TET2: variants seen among roughly 807,000 people sequenced by gnomAD.
TET2 encodes tet methylcytosine dioxygenase 2, also known as methylcytosine dioxygenase TET2.
Under a neutral mutation model 142.9 loss-of-function variants are expected in TET2, and 299 were observed. The observed-to-expected ratio is 2.09, with a 90% CI of 1.90 to 2.30. The LOEUF (loss-of-function observed/expected upper bound fraction) is 2.30. Among genes scored for constraint, TET2 ranks in the 30% most tolerant of loss-of-function variants. TET2 has a pLI of 0.00. For synonymous variants in TET2, 819 were observed against 849.0 expected, an observed-to-expected ratio of 0.96 and a Z score of 0.61; for missense variants, 2,418 against 2,378.0, an observed-to-expected ratio of 1.02 and a Z score of -0.35.
At chr4:105,237,432 T>C (rs779035569) in intron 3 of TET2, 81 bp downstream of exon 3, 2 of 1,613,558 alleles carry the variant, frequency 1.2e-6, no homozygotes, top group Non-Finnish European at 1.7e-6. Context: ...ATTTTCCTTC[T>C]TTTTTTAAAT....
At chr4:105,271,057 T>C (rs548127186) in intron 9 of TET2, among the ~76,000 whole-genome samples, 8 of 152,284 alleles carry the variant, frequency 5.3e-5, no homozygotes, top group African/African-American at 1.9e-4. Flanking sequence ...GGTAAATATT[T>C]TAGGGACTGC....
intron 2 of TET2, among the ~76,000 whole-genome samples, chr4:105,217,781 A>T (rs1727583086): frequency 1.3e-5 from 2 of 152,104 alleles, no homozygotes; most frequent in African/African-American, 4.8e-5. Context: ...ATCACATATG[A>T]TAAGAATCTG....
chr4:105,264,958 A>G (rs1730614720), intron 8 of TET2, among the ~76,000 whole-genome samples: 1 of 152,186 alleles, frequency 6.6e-6, no homozygotes, highest in Non-Finnish European at 1.5e-5. Flanking sequence ...TCTCCACAGC[A>G]TCTCTTCTGT....
chr4:105,176,176 C>G (rs1724781867), intron 1 of TET2, among the ~76,000 whole-genome samples: 1 of 152,040 alleles, frequency 6.6e-6, no homozygotes, highest in Admixed American at 6.6e-5. Context: ...CACAAAAAAC[C>G]TACAGTTTAC....
At position 105,209,278 on chromosome 4, in the gene TET2, T is replaced by A. The variant is rs1727023169; in HGVS notation, c.-47+18773T>A. ...ACATCTGATTAACAGTATTTGAAGTTTGAATTTGTTCTAAGATGACTCAAG... is the reference window on the plus strand; with the variant it reads ...ACATCTGATTAACAGTATTTGAAGTATGAATTTGTTCTAAGATGACTCAAG... On this transcript the variant is annotated intron_variant, in intron 2 of 10. Coordinates refer to ENST00000380013, the MANE Select transcript of TET2 (RefSeq NM_001127208.3). Among the ~76,000 whole-genome samples the A allele has an allele frequency of 2.0e-5, 3 of 151,516 alleles. No homozygotes were observed. In the South Asian group the frequency reaches 6.3e-4, roughly 32 times the overall value.
intron 1 of TET2, among the ~76,000 whole-genome samples, chr4:105,166,191 A>G (rs1164018347): frequency 1.3e-5 from 2 of 152,170 alleles, no homozygotes; most frequent in Non-Finnish European, 2.9e-5. Flanking sequence ...AGAAAAGGAA[A>G]AAGTGATCCT....
chr4:105,187,102 C>T (rs532723414), intron 1 of TET2, among the ~76,000 whole-genome samples: 3 of 152,154 alleles, frequency 2.0e-5, no homozygotes, highest in Non-Finnish European at 4.4e-5. Context: ...CTTGTGCCAG[C>T]TCAGAGAGGG....
chr4:105,231,158 G>A (rs1193958648), intron 2 of TET2, among the ~76,000 whole-genome samples: 7 of 151,814 alleles, frequency 4.6e-5, no homozygotes, highest in Non-Finnish European at 1.0e-4. Flanking sequence ...CTTTTAATTT[G>A]GCTACTAGGC....
chr4:105,261,930 A>ATGAT lies in TET2; in HGVS notation c.4044+84_4044+87dup. 4.9e-6 allele frequency: 4 copies of ATGAT among 820,848 alleles called. No individual in the cohort carries two copies. The South Asian group carries it at 6.9e-5, about 14-fold the overall frequency. The allele number at this position is 820,848 out of a possible 1,614,324, so 50.8% of individuals were successfully genotyped here. ...TATGTCCAAAAATATTTTTGAAACA[A>ATGAT]TGATTTTTAAATATTATTCTAACTT... On this transcript the variant is annotated intron_variant, in intron 8 of 10. Coordinates refer to ENST00000380013, the MANE Select transcript of TET2 (RefSeq NM_001127208.3).
At chr4:105,238,465 T>C (rs1249865292) in intron 3 of TET2, 6 of 249,448 alleles carry the variant, frequency 2.4e-5, no homozygotes, top group Non-Finnish European at 4.2e-5. Flanking sequence ...TGCTGCTGCT[T>C]TATCAACTAA....
At position 105,183,425 on chromosome 4, in the gene TET2, AT is replaced by A. The variant is rs536266853; in HGVS notation, c.-192-6932del. On this transcript the variant is annotated intron_variant, in intron 1 of 10. Transcript: ENST00000380013. ...TTTGCTTGTGTTTTTATACCTATTC[AT>A]TTCAATAACTCTTTTTCCTATATAT... Among the ~76,000 whole-genome samples the A allele has an allele frequency of 1.4e-3, 212 of 152,170 alleles. 1 individual carries two copies. Among genetic ancestry groups the A allele is most frequent in the African/African-American group, 4.7e-3 (193 of 41,504 alleles).
chr4:105,210,246 CT>C (rs1727079473), intron 2 of TET2, among the ~76,000 whole-genome samples: 1 of 152,104 alleles, frequency 6.6e-6, no homozygotes, highest in Non-Finnish European at 1.5e-5. Flanking sequence ...GATTGAATTG[CT>C]ACTTGAGTTC....
At chr4:105,194,953 A>T (rs927882264) in intron 2 of TET2, among the ~76,000 whole-genome samples, 1 of 152,180 alleles carries the variant, frequency 6.6e-6, no homozygotes, top group African/African-American at 2.4e-5. Flanking sequence ...TGGTATCAGT[A>T]GTCTCTGTGT....
chr4:105,175,473 G>A (rs758040825), intron 1 of TET2, among the ~76,000 whole-genome samples: 2 of 151,944 alleles, frequency 1.3e-5, no homozygotes, highest in East Asian at 1.9e-4. Flanking sequence ...GAACATAGCC[G>A]AGGAAAAAAT....
intron 3 of TET2, 28 bp downstream of exon 3, chr4:105,237,379 A>C: frequency 6.2e-7 from 1 of 1,614,102 alleles, no homozygotes; most frequent in Non-Finnish European, 8.5e-7. Context: ...ACTGAGACAC[A>C]TGGCGTTTAT....
chr4:105,235,645 A>G lies in TET2; in HGVS notation c.1703A>G (p.Lys568Arg), dbSNP rs2110229229. 1 of 1,614,192 alleles carries G rather than the reference A, an allele frequency of 6.2e-7. No homozygotes were observed. The highest frequency in any genetic ancestry group is 8.5e-7 in the Non-Finnish European group (1 of 1,180,018). Residue 568 changes from lysine (K) to arginine (R), a missense_variant, in exon 3 of 11, where the codon AAG (lysine) becomes AGG (arginine). Transcript: ENST00000380013. ...HYLKPGWIEL[K>R]APRFHQAESH... is the part of the protein sequence containing the mutation. ...CTGAAACCAGGATGGATTGAATTGA[A>G]GGCCCCTCGTTTTCACCAAGCGGAA...
intron 2 of TET2, among the ~76,000 whole-genome samples, chr4:105,196,007 A>G (rs1030177711): frequency 3.3e-5 from 5 of 152,096 alleles, no homozygotes; most frequent in East Asian, 3.9e-4. Flanking sequence ...CTTGCTTCCT[A>G]TTGCATTGAG....
At position 105,236,743 on chromosome 4, in the gene TET2, G is replaced by A. The variant is rs1406291692; in HGVS notation, c.2801G>A (p.Gly934Glu). ...AATGTTTTTCCTGTGCCTGACCAGG[G>A]AGGAAGTCACACTCAGACCCCTCCC... ...HANVFPVPDQ[G>E]GSHTQTPPQK... Residue 934 changes from glycine (G) to glutamate (E), a missense_variant, in exon 3 of 11, where the codon GGA becomes GAA. Physicochemically the swap from Gly to Glu is moderately conservative, Grantham distance 98. Coordinates refer to ENST00000380013, the MANE Select transcript of TET2 (RefSeq NM_001127208.3). The A allele has an allele frequency of 1.2e-6, 2 of 1,613,994 alleles. No homozygotes were observed. The highest frequency in any genetic ancestry group is 1.7e-6 in the Non-Finnish European group (2 of 1,180,018).
At chr4:105,182,322 C>G (rs1725167060) in intron 1 of TET2, among the ~76,000 whole-genome samples, 1 of 152,164 alleles carries the variant, frequency 6.6e-6, no homozygotes, top group Non-Finnish European at 1.5e-5. Flanking sequence ...CCCCATTACT[C>G]CCTGGGTCTA....
Sources: allele counts gnomAD v4.1 joint callset (sites outside exome capture counted in the v4.1 genomes callset), GRCh38; gene constraint gnomAD v4.1.1; transcripts MANE v1.5; gene names NCBI Gene and HGNC (gene_info 2026-07-23, HGNC 2026-07-21).